SYN3: variants seen among roughly 807,000 people sequenced by gnomAD.
SYN3 encodes synapsin III.
Under a neutral mutation model 65.8 loss-of-function variants are expected in SYN3, and 35 were observed. That is an observed-to-expected ratio of 0.53 (90% confidence interval 0.41 to 0.70). The LOEUF (loss-of-function observed/expected upper bound fraction) is 0.70. SYN3 is among the 30% of genes least tolerant of loss of function. SYN3 has a pLI of 0.00. For missense variants in SYN3, 680 were observed against 749.0 expected (o/e 0.91, Z 1.08); for synonymous variants, 270 against 292.9 (o/e 0.92, Z 0.80).
chr22:32,834,213 C>T (rs1326614837), intron 6 of SYN3, among the ~76,000 whole-genome samples: 2 of 151,910 alleles, frequency 1.3e-5, no homozygotes, highest in Non-Finnish European at 2.9e-5. Flanking sequence ...AGTGCAGTGG[C>T]ACGATCTCGG....
intron 4 of SYN3, among the ~76,000 whole-genome samples, chr22:32,897,671 T>C (rs2049632424): frequency 6.6e-6 from 1 of 152,208 alleles, no homozygotes; most frequent in South Asian, 2.1e-4. Context: ...AGATTCCTTG[T>C]GGAAAATGAA....
chr22:32,995,455 G>C (rs576090401), intron 2 of SYN3, among the ~76,000 whole-genome samples: 1 of 152,248 alleles, frequency 6.6e-6, no homozygotes, highest in African/African-American at 2.4e-5. Flanking sequence ...TGGGTGTCTT[G>C]TATTTTTATT....
chr22:32,739,249 G>A (rs549745676), intron 6 of SYN3, among the ~76,000 whole-genome samples: 124 of 152,138 alleles, frequency 8.2e-4, no homozygotes, highest in African/African-American at 2.9e-3. Flanking sequence ...TTTTAGAAGG[G>A]GTTTCCCCTT....
At chr22:32,534,475 G>A (rs569465545) in intron 9 of SYN3, among the ~76,000 whole-genome samples, 119 of 152,184 alleles carry the variant, frequency 7.8e-4, no homozygotes, top group Middle Eastern at 3.4e-3. Flanking sequence ...CTTCTGCCTC[G>A]CCCAGGGGGC....
intron 1 of SYN3, among the ~76,000 whole-genome samples, chr22:33,021,489 A>C (rs2053558664): frequency 6.6e-6 from 1 of 152,226 alleles, no homozygotes; most frequent in Non-Finnish European, 1.5e-5. Flanking sequence ...ACAATGGTAC[A>C]TTAGATAAGA....
At chr22:32,718,157 C>T (rs564277917) in intron 6 of SYN3, among the ~76,000 whole-genome samples, 1 of 152,192 alleles carries the variant, frequency 6.6e-6, no homozygotes, top group South Asian at 2.1e-4. Flanking sequence ...GTGCTACTCC[C>T]AGTCTGGCGA....
intron 3 of SYN3, among the ~76,000 whole-genome samples, chr22:32,945,579 A>C (rs2051083269): frequency 1.3e-5 from 2 of 152,242 alleles, no homozygotes; most frequent in East Asian, 3.8e-4. Flanking sequence ...ACCTAAAACC[A>C]TAAAAACCCT....
At chr22:32,562,497 C>T (rs1299245339) in intron 7 of SYN3, among the ~76,000 whole-genome samples, 2 of 152,212 alleles carry the variant, frequency 1.3e-5, no homozygotes, top group East Asian at 1.9e-4. Context: ...CCACAGTGAC[C>T]GGCCCTGACA....
chr22:32,546,621 C>G (rs2058339785), intron 7 of SYN3, among the ~76,000 whole-genome samples: 1 of 152,082 alleles, frequency 6.6e-6, no homozygotes, highest in South Asian at 2.1e-4. Context: ...ACTGGGGACA[C>G]AGCCCTGAGG....
chr22:32,531,050 T>A (rs1418472459), intron 10 of SYN3, among the ~76,000 whole-genome samples: 2 of 144,784 alleles, frequency 1.4e-5, no homozygotes, highest in African/African-American at 5.2e-5. Flanking sequence ...CAGCTCCCTG[T>A]GGAACGCGTT....
chr22:32,569,257 A>ATCTATCTATCTATCTATCTGTCTG (rs1555898445), intron 7 of SYN3, among the ~76,000 whole-genome samples: 2 of 12,080 alleles, frequency 1.7e-4, no homozygotes, highest in South Asian at 2.0e-3. Context: ...TGCATCCAAA[A>ATCTATCTATCTATCTATCTGTCTG]TCTATCTATC....
intron 6 of SYN3, among the ~76,000 whole-genome samples, chr22:32,668,526 TCTC>T (rs1160818313): frequency 6.6e-6 from 1 of 151,988 alleles, no homozygotes; most frequent in Non-Finnish European, 1.5e-5. Context: ...CCTTTCTCCT[TCTC>T]CTTCTCCTTC....
At chr22:33,046,565 A>C (rs2054068364) in intron 1 of SYN3, among the ~76,000 whole-genome samples, 1 of 151,646 alleles carries the variant, frequency 6.6e-6, no homozygotes, top group African/African-American at 2.4e-5. Context: ...CCAAAATACA[A>C]AAAATTAGCT....
intron 2 of SYN3, among the ~76,000 whole-genome samples, chr22:32,997,466 T>C (rs896517845): frequency 6.6e-6 from 1 of 152,136 alleles, no homozygotes; most frequent in African/African-American, 2.4e-5. Flanking sequence ...TTTTACGACA[T>C]GAGTCCAGTT....
At chr22:32,886,110 T>TC (rs2049281368) in intron 4 of SYN3, among the ~76,000 whole-genome samples, 1 of 152,214 alleles carries the variant, frequency 6.6e-6, no homozygotes, top group African/African-American at 2.4e-5. Flanking sequence ...AAGAACTGGC[T>TC]CATAAGCTTG....
chr22:32,903,477 C>T (rs952326827), intron 4 of SYN3, among the ~76,000 whole-genome samples: 6 of 152,162 alleles, frequency 3.9e-5, no homozygotes, highest in African/African-American at 1.4e-4. Context: ...GTTCTGGGGC[C>T]TTTTCCTCCT....
At chr22:32,563,717 T>C (rs1299971149) in intron 7 of SYN3, among the ~76,000 whole-genome samples, 1 of 152,182 alleles carries the variant, frequency 6.6e-6, no homozygotes, top group Non-Finnish European at 1.5e-5. Context: ...TTACCCAGGC[T>C]GGAGTACAAT....
intron 7 of SYN3, among the ~76,000 whole-genome samples, chr22:32,571,965 G>A (rs2146425112): frequency 6.6e-6 from 1 of 152,040 alleles, no homozygotes; most frequent in East Asian, 2.0e-4. Context: ...TGCCCTTAAG[G>A]TCTAGCCCAG....
At chr22:32,772,014 G>A (rs1249328055) in intron 6 of SYN3, among the ~76,000 whole-genome samples, 2 of 152,138 alleles carry the variant, frequency 1.3e-5, no homozygotes, top group East Asian at 1.9e-4. Context: ...GGCTGCACTA[G>A]GCTGTCTGGA....
Sources: gnomAD v4.1 joint callset for allele counts (sites outside exome capture counted in the v4.1 genomes callset) on GRCh38, gnomAD v4.1.1 for gene constraint, MANE v1.5 for transcripts, NCBI Gene and HGNC (gene_info 2026-07-23, HGNC 2026-07-21) for gene names.